The following DPP10 variants were observed in gnomAD, a reference collection of about 807,000 sequenced individuals.
The protein encoded by DPP10 is dipeptidyl peptidase like 10.
A neutral mutation model predicts 120.9 loss-of-function variants in DPP10; 33 were observed. The ratio of observed to expected loss-of-function variants is 0.27; its 90% confidence interval spans 0.21 to 0.37. The LOEUF (loss-of-function observed/expected upper bound fraction) is 0.37, where lower values mean the gene tolerates loss of function less well. Ranked by LOEUF, DPP10 falls within the 10% of genes least tolerant of loss-of-function variation. DPP10 has a pLI of 1.00. For missense variants in DPP10, 816 were observed against 942.8 expected (o/e 0.87, Z 1.76); for synonymous variants, 337 against 326.1 (o/e 1.03, Z -0.36).
chr2:114,888,528 C>CA (rs1692273811), intron 1 of DPP10, among the ~76,000 whole-genome samples: 1 of 152,076 alleles, frequency 6.6e-6, no homozygotes. Context: ...AAATGATGAT[C>CA]AAAACACTTC....
At chr2:114,595,972 C>T (rs1312006840) in intron 1 of DPP10, among the ~76,000 whole-genome samples, 1 of 152,078 alleles carries the variant, frequency 6.6e-6, no homozygotes, top group Non-Finnish European at 1.5e-5. Flanking sequence ...AGCAGGAAAT[C>T]AATTCAGAGA....
At chr2:115,383,324 C>T (rs147246703) in intron 3 of DPP10, among the ~76,000 whole-genome samples, 1 of 152,290 alleles carries the variant, frequency 6.6e-6, no homozygotes, top group East Asian at 1.9e-4. Flanking sequence ...AGTTTCCCTG[C>T]ACAAGCTCTC....
intron 1 of DPP10, among the ~76,000 whole-genome samples, chr2:115,025,883 A>C (rs183902306): frequency 1.3e-3 from 191 of 151,504 alleles, no homozygotes; most frequent in African/African-American, 4.4e-3. Context: ...TTTGTTTGCT[A>C]TTGAGTTTTC....
intron 1 of DPP10, among the ~76,000 whole-genome samples, chr2:115,187,110 C>T (rs1313437551): frequency 1.4e-5 from 2 of 138,998 alleles, no homozygotes; most frequent in African/African-American, 5.2e-5. Context: ...AATCTCGGCT[C>T]ACTGCAAGCT....
chr2:115,191,561 G>T (rs1467375379), intron 1 of DPP10, among the ~76,000 whole-genome samples: 1 of 152,214 alleles, frequency 6.6e-6, no homozygotes, highest in Admixed American at 6.5e-5. Flanking sequence ...AGGAGTAATA[G>T]AATAGATGAA....
chr2:115,448,981 T>C (rs1041074417), intron 3 of DPP10, among the ~76,000 whole-genome samples: 5 of 152,102 alleles, frequency 3.3e-5, no homozygotes, highest in Non-Finnish European at 1.5e-5. Flanking sequence ...TCTGGCCAAA[T>C]AGAAGACACT....
chr2:115,178,948 G>A (rs180774654), intron 1 of DPP10, among the ~76,000 whole-genome samples: 1 of 152,290 alleles, frequency 6.6e-6, no homozygotes, highest in East Asian at 1.9e-4. Context: ...TCACACCATG[G>A]TGAAGCCAAA....
intron 4 of DPP10, among the ~76,000 whole-genome samples, chr2:115,501,619 A>T (rs1558764799): frequency 6.6e-6 from 1 of 152,098 alleles, no homozygotes; most frequent in Non-Finnish European, 1.5e-5. Flanking sequence ...ATAATTAAGC[A>T]ATTTATAAGT....
At chr2:115,265,162 A>G (rs184076716) in intron 1 of DPP10, among the ~76,000 whole-genome samples, 6 of 152,176 alleles carry the variant, frequency 3.9e-5, no homozygotes, top group East Asian at 1.9e-4. Flanking sequence ...AGACAGCACC[A>G]TGAATAAAAT....
intron 13 of DPP10, among the ~76,000 whole-genome samples, chr2:115,774,971 G>A (rs1206648488): frequency 6.6e-6 from 1 of 152,028 alleles, no homozygotes; most frequent in African/African-American, 2.4e-5. Context: ...CAATGAAATT[G>A]AATTGCACAA....
chr2:114,898,197 A>G (rs1693209244), intron 1 of DPP10, among the ~76,000 whole-genome samples: 1 of 152,210 alleles, frequency 6.6e-6, no homozygotes, highest in Non-Finnish European at 1.5e-5. Context: ...TGTCCTTTGT[A>G]GGGACATGGA....
chr2:115,194,329 A>G (rs1291535527), intron 1 of DPP10, among the ~76,000 whole-genome samples: 2 of 152,082 alleles, frequency 1.3e-5, no homozygotes, highest in African/African-American at 2.4e-5. Context: ...GGTTCAAGCA[A>G]TTCTCCTGCC....
intron 3 of DPP10, among the ~76,000 whole-genome samples, chr2:115,489,867 T>C (rs1358736710): frequency 6.6e-6 from 1 of 152,152 alleles, no homozygotes. Context: ...CTGACAACTT[T>C]AATGTCTGAA....
intron 1 of DPP10, among the ~76,000 whole-genome samples, chr2:115,294,411 G>A (rs1057039600): frequency 6.6e-6 from 1 of 151,956 alleles, no homozygotes; most frequent in Non-Finnish European, 1.5e-5. Context: ...ACACAAGTAG[G>A]TAAATTTTTG....
intron 3 of DPP10, among the ~76,000 whole-genome samples, chr2:115,393,814 C>T (rs1008217214): frequency 6.6e-6 from 1 of 152,080 alleles, no homozygotes; most frequent in Non-Finnish European, 1.5e-5. Context: ...GCTGGTATAC[C>T]AAGCATGAAT....
At chr2:115,538,026 AG>A (rs1170956077) in intron 5 of DPP10, among the ~76,000 whole-genome samples, 1 of 152,058 alleles carries the variant, frequency 6.6e-6, no homozygotes, top group African/African-American at 2.4e-5. Flanking sequence ...AGCCAGGCAG[AG>A]TCTGCAACAC....
At chr2:114,596,894 G>T (rs1260552234) in intron 1 of DPP10, among the ~76,000 whole-genome samples, 2 of 151,956 alleles carry the variant, frequency 1.3e-5, no homozygotes, top group Admixed American at 1.3e-4. Flanking sequence ...ATGAAATTCT[G>T]CAAATACTTA....
intron 1 of DPP10, among the ~76,000 whole-genome samples, chr2:115,119,730 G>A (rs1467308123): frequency 1.3e-5 from 2 of 152,150 alleles, no homozygotes; most frequent in Non-Finnish European, 2.9e-5. Flanking sequence ...CTTCTAAAAG[G>A]ATGCCTCTTG....
intron 3 of DPP10, among the ~76,000 whole-genome samples, chr2:115,415,415 A>G (rs780629215): frequency 1.1e-4 from 17 of 152,090 alleles, no homozygotes; most frequent in South Asian, 2.1e-4. Context: ...CATCAATCCT[A>G]TATCAATAGT....
Sources: gnomAD v4.1 joint callset for allele counts (sites outside exome capture counted in the v4.1 genomes callset) on GRCh38, gnomAD v4.1.1 for gene constraint, MANE v1.5 for transcripts, NCBI Gene and HGNC (gene_info 2026-07-23, HGNC 2026-07-21) for gene names.